Variants in PCDHA1 observed in about 807,000 individuals in gnomAD.
The protein encoded by PCDHA1 is protocadherin alpha 1.
Under a neutral mutation model 61.3 loss-of-function variants are expected in PCDHA1, and 42 were observed. That is an observed-to-expected ratio of 0.69 (90% CI 0.54 to 0.89). The LOEUF is 0.89. Among genes scored for constraint, PCDHA1 ranks in the 40% least tolerant of loss-of-function variants. The probability of loss-of-function intolerance (pLI) is 0.00; values close to 1 mark genes in which losing one functional copy is unlikely to be tolerated. For synonymous variants in PCDHA1, 610 were observed against 553.8 expected, an observed-to-expected ratio of 1.10 and a Z score of -1.43; for missense variants, 1,256 against 1,235.3, an observed-to-expected ratio of 1.02 and a Z score of -0.25.
At chr5:140,998,645 A>T (rs1020510258) in intron 3 of PCDHA1, among the ~76,000 whole-genome samples, 12 of 151,600 alleles carry the variant, frequency 7.9e-5, no homozygotes, top group Non-Finnish European at 1.6e-4. Context: ...GCTCACTGCA[A>T]CCTCTGCCTC....
chr5:140,856,403 G>C, intron 1 of PCDHA1: 1 of 1,598,562 alleles, frequency 6.3e-7, no homozygotes, highest in South Asian at 1.1e-5. Flanking sequence ...TTTCCATGTG[G>C]ACGTGGAAGT....
chr5:140,863,121 G>A, intron 1 of PCDHA1: 2 of 592,122 alleles, frequency 3.4e-6, no homozygotes, highest in South Asian at 2.7e-5. Context: ...CGAAAGCTAC[G>A]CGCCACCGCC....
intron 1 of PCDHA1, among the ~76,000 whole-genome samples, chr5:140,818,489 A>G (rs1554127494): frequency 6.6e-6 from 1 of 152,158 alleles, no homozygotes; most frequent in African/African-American, 2.4e-5. Context: ...CACTCACTTG[A>G]TCTTGGATTT....
intron 1 of PCDHA1, chr5:140,875,350 T>G (rs1465566736): frequency 6.9e-7 from 1 of 1,444,966 alleles, no homozygotes; most frequent in African/African-American, 1.4e-5. Flanking sequence ...CCATAATGAC[T>G]GTGATGCTGG....
chr5:140,807,094 T>A, intron 1 of PCDHA1: 1 of 1,376,084 alleles, frequency 7.3e-7, no homozygotes. Context: ...GTCTGAAATA[T>A]GGAGGATGCA....
chr5:140,823,396 G>A (rs17844295), intron 1 of PCDHA1: 3 of 1,612,796 alleles, frequency 1.9e-6, no homozygotes, highest in South Asian at 2.2e-5. Flanking sequence ...CGACGCGGGC[G>A]TGCCGCCTCT....
chr5:140,877,027 G>T lies in PCDHA1; in HGVS notation c.2394+88343G>T, dbSNP rs376609696. 1.3e-4 allele frequency: 211 copies of T among 1,612,282 alleles called. No individual in the cohort carries two copies. Among genetic ancestry groups the T allele is most frequent in the Admixed American group, 2.7e-4 (16 of 60,002 alleles). On this transcript the variant is annotated intron_variant, in intron 1 of 3. Coordinates refer to ENST00000504120, the MANE Select transcript of PCDHA1 (RefSeq NM_018900.4). ...GCACGCGGAGAGCGGCAAGGTGTAC[G>T]CGCTGCAGCCGCTAGACCACGAGGA...
In PCDHA1 at chr5:140,978,014, A is replaced by C. The variant is rs939579655; in HGVS notation, c.2395-935A>C. ...AGTGTCACAAGTTTTTCACAGTGAC[A>C]TTTTTGCTTACTGATACAAGACAGT... On this transcript the variant is annotated intron_variant, in intron 1 of 3. Transcript: ENST00000504120. Among the ~76,000 whole-genome samples, 9 of 152,256 alleles carry C rather than the reference A, an allele frequency of 5.9e-5. 1 individual carries two copies. The highest frequency in any genetic ancestry group is 2.2e-4 in the African/African-American group (9 of 41,540).
chr5:140,986,945 C>T (rs1295830111), intron 3 of PCDHA1, among the ~76,000 whole-genome samples: 1 of 151,946 alleles, frequency 6.6e-6, no homozygotes, highest in Non-Finnish European at 1.5e-5. Flanking sequence ...TGGGTGTGGT[C>T]GCTCATGCCT....
chr5:140,877,440 G>A (rs372613448), intron 1 of PCDHA1: 9 of 1,613,710 alleles, frequency 5.6e-6, no homozygotes, highest in Non-Finnish European at 5.9e-6. Context: ...ACCACGGTGA[G>A]CCCGCGCTGA....
chr5:140,883,213 A>G, intron 1 of PCDHA1: 1 of 1,614,090 alleles, frequency 6.2e-7, no homozygotes, highest in South Asian at 1.1e-5. Flanking sequence ...AAAAGAAATT[A>G]TATGAAATAT....
intron 3 of PCDHA1, among the ~76,000 whole-genome samples, chr5:141,000,102 C>T (rs537991787): frequency 8.5e-5 from 13 of 152,172 alleles, no homozygotes; most frequent in East Asian, 5.8e-4. Context: ...AGCTCAACTC[C>T]GTCTCTTCCC....
At chr5:140,804,001 A>C in intron 1 of PCDHA1, 1 of 225,562 alleles carries the variant, frequency 4.4e-6, no homozygotes, top group African/African-American at 2.3e-5. Flanking sequence ...GTTAGTACAA[A>C]TGTTACTTGC....
At chr5:141,005,470 G>A (rs1563690887) in intron 3 of PCDHA1, among the ~76,000 whole-genome samples, 1 of 151,836 alleles carries the variant, frequency 6.6e-6, no homozygotes, top group South Asian at 2.1e-4. Context: ...TTGGGAGGCC[G>A]AGACGGGCGG....
At chr5:140,875,844 G>A in intron 1 of PCDHA1, 1 of 1,614,178 alleles carries the variant, frequency 6.2e-7, no homozygotes, top group Non-Finnish European at 8.5e-7. Flanking sequence ...TGGAGGTGAA[G>A]GACATTAACG....
intron 1 of PCDHA1, among the ~76,000 whole-genome samples, chr5:140,932,231 A>G (rs2088135026): frequency 6.6e-6 from 1 of 151,848 alleles, no homozygotes; most frequent in African/African-American, 2.4e-5. Context: ...AATTTTTTAG[A>G]ATGGTATCTA....
intron 1 of PCDHA1, among the ~76,000 whole-genome samples, chr5:140,975,697 AT>A (rs1375810410): frequency 1.3e-5 from 2 of 152,182 alleles, no homozygotes; most frequent in African/African-American, 4.8e-5. Flanking sequence ...TTTTAAACTT[AT>A]TTTACTTTAA....
intron 1 of PCDHA1, chr5:140,841,148 C>G: frequency 1.3e-6 from 1 of 776,052 alleles, no homozygotes. Context: ...CATGATGTCG[C>G]TGTCTACCAA....
rs186574903 is a variant in PCDHA1, at chr5:140,898,271, A to T, written c.2395-80678A>T. On this transcript the variant is annotated intron_variant, in intron 1 of 3. Transcript: ENST00000504120. The stretch of plus-strand genomic sequence containing the variant: ...AGACATGAAGTCCTTGCCCATGCCT[A>T]AGTTCTGAATGGTAATGCCTAGGTT... 4.6e-3 allele frequency among the ~76,000 whole-genome samples: 703 copies of T among 152,290 alleles called. 3 individuals carry two copies. The highest frequency in any genetic ancestry group is 0.016 in the African/African-American group (680 of 41,550).
Sources: allele counts gnomAD v4.1 joint callset (sites outside exome capture counted in the v4.1 genomes callset), GRCh38; gene constraint gnomAD v4.1.1; transcripts MANE v1.5; gene names NCBI Gene and HGNC (gene_info 2026-07-23, HGNC 2026-07-21).